The following ZNF141 variants were observed in gnomAD, a reference collection of about 807,000 sequenced individuals.
ZNF141 encodes zinc finger protein 141 (clone pHZ-44).
A neutral mutation model predicts 11.3 loss-of-function variants in ZNF141; 7 were observed. The observed-to-expected ratio is 0.62, with a 90% CI of 0.35 to 1.16. The LOEUF (loss-of-function observed/expected upper bound fraction) is 1.16. ZNF141 is among the 50% of genes most tolerant of loss of function. ZNF141 has a pLI of 0.02. For missense variants in ZNF141, 535 were observed against 554.0 expected (o/e 0.97, Z 0.34); for synonymous variants, 183 against 190.7 (o/e 0.96, Z 0.33).
chr4:381,974 G>T lies in ZNF141; in HGVS notation c.*8112G>T. The stretch of plus-strand genomic sequence containing the variant: ...TTTTTTTTTTTTTTTTTGAGACGGA[G>T]TCTCACTCTCGCCCAGGCTGGAGTG... On this transcript the variant is annotated 3_prime_UTR_variant, in exon 4 of 4. Coordinates refer to ENST00000240499, the MANE Select transcript of ZNF141 (RefSeq NM_003441.4). 9.6e-6 allele frequency among the ~76,000 whole-genome samples: 1 copy of T among 103,864 alleles called. No homozygotes were observed. Among genetic ancestry groups the T allele is most frequent in the South Asian group, 3.0e-4 (1 of 3,282 alleles). 68.1% of individuals were successfully genotyped at this position (103,864 alleles called of 152,430 possible).
Position 384,411 on chromosome 4 carries a change from A to G in ZNF141, c.*10549A>G, listed in dbSNP as rs535436986. The G allele has an allele frequency of 6.6e-6, 1 of 152,278 alleles. No individual in the cohort carries two copies. The highest frequency in any genetic ancestry group is 1.9e-4 in the East Asian group (1 of 5,182). The allele number at this position is 152,278 out of a possible 1,614,324, so 9.4% of individuals were successfully genotyped here. On this transcript the variant is annotated 3_prime_UTR_variant, in exon 4 of 4. Transcript: ENST00000240499. ...TTGGGAGATGAAAAACACCCACGGG[A>G]CCACACCTGCACCACCCATGTAGCT... is the stretch of plus-strand genomic sequence containing the variant.
chr4:365,828 G>A (rs1228840614), intron 3 of ZNF141, among the ~76,000 whole-genome samples: 1 of 152,034 alleles, frequency 6.6e-6, no homozygotes, highest in Non-Finnish European at 1.5e-5. Context: ...AAGAGCTAGG[G>A]GCCTAGTTTC....
Position 343,766 on chromosome 4 carries a change from A to G in ZNF141, c.4-16A>G, listed in dbSNP as rs377367829. ...AAAAAAAAGAACTATGTCCCTTGATATATTTGTATTTTCAGGAACTCTTAA... is the reference window on the plus strand; with the variant it reads ...AAAAAAAAGAACTATGTCCCTTGATGTATTTGTATTTTCAGGAACTCTTAA... On this transcript the variant is annotated splice_polypyrimidine_tract_variant and intron_variant, in intron 1 of 3. Transcript: ENST00000240499. 2.7e-6 allele frequency: 3 copies of G among 1,099,504 alleles called. No homozygotes were observed. Among genetic ancestry groups the G allele is most frequent in the African/African-American group, 3.2e-5 (2 of 62,270 alleles). The allele number at this position is 1,099,504 out of a possible 1,614,324, so 68.1% of individuals were successfully genotyped here.
intron 3 of ZNF141, among the ~76,000 whole-genome samples, chr4:346,799 C>T (rs1345376683): frequency 6.7e-6 from 1 of 150,300 alleles, no homozygotes; most frequent in Admixed American, 6.6e-5. Flanking sequence ...GCTAGATTTC[C>T]TTCTCTTTTA....
In ZNF141 at chr4:373,147, C is replaced by CTAAGTGTGTGG; in HGVS notation, c.710_711insTAAGTGTGTGG (p.Thr238LysfsTer14). On this transcript the variant is annotated frameshift_variant, in exon 4 of 4. Transcript: ENST00000240499. LOFTEE classifies it low-confidence loss of function (END_TRUNC). ...TGTGAAGAATGTGGCAGCATCTTTA[C>CTAAGTGTGTGG]CACATCCTCACACTTTGCTAAGCAT... 1 of 1,612,740 alleles carries CTAAGTGTGTGG rather than the reference C, an allele frequency of 6.2e-7. No homozygotes were observed. The highest frequency in any genetic ancestry group is 8.5e-7 in the Non-Finnish European group (1 of 1,179,736).
chr4:337,989 G>A lies in ZNF141; in HGVS notation c.3+3G>A, dbSNP rs782389048. 4 of 1,613,356 alleles carry A rather than the reference G, an allele frequency of 2.5e-6. No individual in the cohort carries two copies. The South Asian group carries it at 4.4e-5, about 18-fold the overall frequency. On this transcript the variant is annotated splice_donor_region_variant and intron_variant, in intron 1 of 3. Coordinates refer to ENST00000240499, the MANE Select transcript of ZNF141 (RefSeq NM_003441.4). ...AATACTTCAGAAGTGGGGAAATGGT[G>A]AGTGTGCGGGGCAGGGCGTCCCAAG...
Position 382,242 on chromosome 4 carries a change from G to A in ZNF141, c.*8380G>A, listed in dbSNP as rs1394890205. On this transcript the variant is annotated 3_prime_UTR_variant, in exon 4 of 4. Transcript: ENST00000240499. ...ATTACAGGCATGAGCCACCGCGCCC[G>A]GCCTTAGTTGTGTGTGATTTCTATG... is the stretch of plus-strand genomic sequence containing the variant. Among the ~76,000 whole-genome samples, 6 of 152,080 alleles carry A rather than the reference G, an allele frequency of 3.9e-5. No homozygotes were observed. Among genetic ancestry groups the A allele is most frequent in the Non-Finnish European group, 7.4e-5 (5 of 68,026 alleles).
rs1209726619 is a variant in ZNF141, at chr4:376,284, C to A, written c.*2422C>A. 1.2e-4 allele frequency among the ~76,000 whole-genome samples: 18 copies of A among 152,020 alleles called. No homozygotes were observed. In the East Asian group the frequency reaches 3.3e-3, roughly 28 times the overall value. On this transcript the variant is annotated 3_prime_UTR_variant, in exon 4 of 4. Transcript: ENST00000240499. ...AGCAAATACATTGAAGAATATCATT[C>A]CCATATGTTGTATTTTCACTCTTGT...
In ZNF141 at chr4:374,299, C is replaced by A; in HGVS notation, c.*437C>A. The A allele has an allele frequency of 3.5e-6, 1 of 287,716 alleles. No individual in the cohort carries two copies. The highest frequency in any genetic ancestry group is 7.0e-6 in the Non-Finnish European group (1 of 142,548). The allele number at this position is 287,716 out of a possible 1,614,324, so 17.8% of individuals were successfully genotyped here. On this transcript the variant is annotated 3_prime_UTR_variant, in exon 4 of 4. Transcript: ENST00000240499. ...CTGGAGAGAAACTTCACATGTGAACCGTGTGGCAAAGCCTTTAAATGGTCC... is the reference window on the plus strand; with the variant it reads ...CTGGAGAGAAACTTCACATGTGAACAGTGTGGCAAAGCCTTTAAATGGTCC...
chr4:338,278 C>A (rs1289655972), intron 1 of ZNF141: 1 of 389,670 alleles, frequency 2.6e-6, no homozygotes. Context: ...GCGATGCCGG[C>A]GTGGGAGGAG....
chr4:374,818 T>C lies in ZNF141; in HGVS notation c.*956T>C, dbSNP rs1712284836. On this transcript the variant is annotated 3_prime_UTR_variant, in exon 4 of 4. Coordinates refer to ENST00000240499, the MANE Select transcript of ZNF141 (RefSeq NM_003441.4). ...AGTCTTTAAATCTTCCTCAGTCTTT[T>C]CTAATCATAAGATAATTCACACTGA... is the stretch of plus-strand genomic sequence containing the variant. 1 of 153,858 alleles carries C rather than the reference T, an allele frequency of 6.5e-6. No homozygotes were observed. Among genetic ancestry groups the C allele is most frequent in the African/African-American group, 2.4e-5 (1 of 41,484 alleles). 9.5% of individuals were successfully genotyped at this position (153,858 alleles called of 1,614,324 possible).
chr4:339,238 C>G (rs1720937219), intron 1 of ZNF141, among the ~76,000 whole-genome samples: 1 of 152,210 alleles, frequency 6.6e-6, no homozygotes. Context: ...AGATCTGTAG[C>G]AGGAATCTGT....
At position 383,265 on chromosome 4, in the gene ZNF141, T is replaced by G; in HGVS notation, c.*9403T>G. 1.6e-6 allele frequency: 1 copy of G among 641,604 alleles called. No individual in the cohort carries two copies. Among genetic ancestry groups the G allele is most frequent in the East Asian group, 2.7e-5 (1 of 36,642 alleles). 39.7% of individuals were successfully genotyped at this position (641,604 alleles called of 1,614,324 possible). A position where few individuals can be genotyped will look rare whatever the true frequency, so the allele number is the denominator to read the frequency against. On this transcript the variant is annotated 3_prime_UTR_variant, in exon 4 of 4. Coordinates refer to ENST00000240499, the MANE Select transcript of ZNF141 (RefSeq NM_003441.4). ...AGGAGCCAAACTGAGCCCAGAAGAATGGCCCGGCTGAGCCCAGCCTAAATT... is the reference window on the plus strand; with the variant it reads ...AGGAGCCAAACTGAGCCCAGAAGAAGGGCCCGGCTGAGCCCAGCCTAAATT...
Position 381,672 on chromosome 4 carries a change from G to A in ZNF141, c.*7810G>A, listed in dbSNP as rs1553855686. Among the ~76,000 whole-genome samples the A allele has an allele frequency of 6.6e-6, 1 of 151,916 alleles. No homozygotes were observed. On this transcript the variant is annotated 3_prime_UTR_variant, in exon 4 of 4. Transcript: ENST00000240499. Reference sequence around the variant, plus strand: ...TGATCCACCCAGTCAGCCTCCCAAAGTGCTGGGATTACAGGCGTGAGCCAC... The same window carrying A: ...TGATCCACCCAGTCAGCCTCCCAAAATGCTGGGATTACAGGCGTGAGCCAC...
At position 381,518 on chromosome 4, in the gene ZNF141, C is replaced by T. The variant is rs1460712715; in HGVS notation, c.*7656C>T. ...CCGCCTCCTGGGTTCACACAATTTG[C>T]CTGCCTCAGCCCCCTGAGTAGCTGG... On this transcript the variant is annotated 3_prime_UTR_variant, in exon 4 of 4. Coordinates refer to ENST00000240499, the MANE Select transcript of ZNF141 (RefSeq NM_003441.4). 6.8e-6 allele frequency among the ~76,000 whole-genome samples: 1 copy of T among 146,658 alleles called. No individual in the cohort carries two copies. Among genetic ancestry groups the T allele is most frequent in the Non-Finnish European group, 1.5e-5 (1 of 67,510 alleles).
In ZNF141 at chr4:372,787, G is replaced by A; in HGVS notation, c.350G>A (p.Cys117Tyr). 1 of 1,613,332 alleles carries A rather than the reference G, an allele frequency of 6.2e-7. No individual in the cohort carries two copies. The highest frequency in any genetic ancestry group is 8.5e-7 in the Non-Finnish European group (1 of 1,179,356). Residue 117 changes from cysteine to tyrosine, a missense_variant, in exon 4 of 4, where the codon TGT (cysteine) becomes TAT (tyrosine). By Grantham distance (194) the Cys-to-Tyr change is radical. Transcript: ENST00000240499. Reference protein sequence around the residue: ...GHDNLQLRKGCKSLNECKLQK... With the variant: ...GHDNLQLRKGYKSLNECKLQK... ...GATAATTTACAATTAAGAAAAGGCT[G>A]TAAAAGTTTGAATGAGTGTAAGTTG... is the stretch of plus-strand genomic sequence containing the variant.
At position 381,597 on chromosome 4, in the gene ZNF141, A is replaced by G. The variant is rs1553855672; in HGVS notation, c.*7735A>G. 6.6e-6 allele frequency among the ~76,000 whole-genome samples: 1 copy of G among 151,856 alleles called. No homozygotes were observed. Among genetic ancestry groups the G allele is most frequent in the East Asian group, 1.9e-4 (1 of 5,150 alleles). ...AAAAATTTTTGTATTTTTAGTAGAG[A>G]CGGGGTTTCACCATGTTGGCCAGGC... On this transcript the variant is annotated 3_prime_UTR_variant, in exon 4 of 4. Transcript: ENST00000240499.
intron 3 of ZNF141, among the ~76,000 whole-genome samples, chr4:367,533 T>G (rs1053766697): frequency 5.9e-5 from 9 of 152,016 alleles, no homozygotes; most frequent in Admixed American, 1.3e-4. Context: ...TTTTTTTTTT[T>G]TGATGTGGAG....
rs138674748 is a variant in ZNF141, at chr4:340,972, A to G, written c.4-2810A>G. Among the ~76,000 whole-genome samples the G allele has an allele frequency of 6.9e-4, 105 of 152,286 alleles. 1 individual carries two copies. The East Asian group carries it at 0.016, about 24-fold the overall frequency. ...TGGAGTGTATATTCAGGGCAGCTTTATAGTCCAGGGTTGCAATCTTCAAGC... is the reference window on the plus strand; with the variant it reads ...TGGAGTGTATATTCAGGGCAGCTTTGTAGTCCAGGGTTGCAATCTTCAAGC... On this transcript the variant is annotated intron_variant, in intron 1 of 3. Transcript: ENST00000240499.
Sources: gnomAD v4.1 joint callset for allele counts (sites outside exome capture counted in the v4.1 genomes callset) on GRCh38, gnomAD v4.1.1 for gene constraint, MANE v1.5 for transcripts, NCBI Gene and HGNC (gene_info 2026-07-23, HGNC 2026-07-21) for gene names.